The following MBD5 variants were observed in gnomAD, a reference collection of about 807,000 sequenced individuals.
MBD5 encodes methyl-CpG-binding domain protein 5.
A neutral mutation model predicts 117.3 loss-of-function variants in MBD5; 13 were observed. The ratio of observed to expected loss-of-function variants is 0.11; its 90% CI spans 0.07 to 0.18. The LOEUF is 0.18. MBD5 is among the 10% of genes least tolerant of loss of function. The pLI, the probability that MBD5 is intolerant of heterozygous loss-of-function variation, is 1.00. For synonymous variants in MBD5, 727 were observed against 766.4 expected, an observed-to-expected ratio of 0.95 and a Z score of 0.85; for missense variants, 1,879 against 2,093.8, an observed-to-expected ratio of 0.90 and a Z score of 2.00.
chr2:148,064,080 T>C (rs115539846), intron 1 of MBD5, among the ~76,000 whole-genome samples: 57 of 151,828 alleles, frequency 3.8e-4, no homozygotes, highest in African/African-American at 1.3e-3. Flanking sequence ...CTTTCATATA[T>C]AGGGTGAATC....
chr2:148,311,780 C>G (rs1702037815), intron 3 of MBD5, among the ~76,000 whole-genome samples: 1 of 152,180 alleles, frequency 6.6e-6, no homozygotes, highest in Non-Finnish European at 1.5e-5. Flanking sequence ...TTTGCAGTGG[C>G]TGATACCGGT....
rs1457478473 is a variant in MBD5, at chr2:148,308,483, G to A, written c.-679-33731G>A. On this transcript the variant is annotated intron_variant, in intron 3 of 13. Coordinates refer to ENST00000642680, the MANE Select transcript of MBD5 (RefSeq NM_001378120.1). ...ATATACTTCTCCCACTTTTTGATGG[G>A]GTTCTTTCTTTTTTTTTTTTTTTTT... 3.2e-5 allele frequency among the ~76,000 whole-genome samples: 4 copies of A among 126,514 alleles called. No homozygotes were observed. The South Asian group carries it at 8.1e-4, about 25-fold the overall frequency. 83.0% of individuals were successfully genotyped at this position (126,514 alleles called of 152,430 possible).
chr2:148,294,508 T>TG (rs1701596236), intron 3 of MBD5, among the ~76,000 whole-genome samples: 1 of 137,474 alleles, frequency 7.3e-6, no homozygotes, highest in Non-Finnish European at 1.6e-5. Flanking sequence ...ACAGTTTTTT[T>TG]TTTTTTTTTT....
chr2:148,052,508 C>G (rs1223491365), intron 1 of MBD5, among the ~76,000 whole-genome samples: 1 of 152,110 alleles, frequency 6.6e-6, no homozygotes, highest in Admixed American at 6.5e-5. Context: ...CCATGCCCAG[C>G]AGAGATCTTT....
intron 1 of MBD5, among the ~76,000 whole-genome samples, chr2:148,098,884 C>T (rs1696132956): frequency 6.6e-6 from 1 of 151,832 alleles, no homozygotes; most frequent in Non-Finnish European, 1.5e-5. Context: ...GACCCTGTCT[C>T]TACAATAAAA....
chr2:148,276,110 G>C (rs1475810014), intron 3 of MBD5, among the ~76,000 whole-genome samples: 1 of 152,074 alleles, frequency 6.6e-6, no homozygotes, highest in Non-Finnish European at 1.5e-5. Flanking sequence ...CCAGGAGTTT[G>C]AGACTAGCCT....
intron 3 of MBD5, among the ~76,000 whole-genome samples, chr2:148,324,107 A>C (rs535303332): frequency 1.4e-4 from 22 of 151,988 alleles, no homozygotes; most frequent in Admixed American, 3.9e-4. Context: ...GGAATCCTTT[A>C]CCCTTTGCTT....
chr2:148,448,061 C>T lies in MBD5; in HGVS notation c.-556-10142C>T, dbSNP rs1163072800. ...GTGGCTGCTACATTTTCTCTGCCAT[C>T]CTCATCATTCCAATGAGCAGTCAGT... On this transcript the variant is annotated intron_variant, in intron 4 of 13. Transcript: ENST00000642680. 3.9e-5 allele frequency among the ~76,000 whole-genome samples: 6 copies of T among 152,086 alleles called. No individual in the cohort carries two copies. In the East Asian group the frequency reaches 7.7e-4, roughly 20 times the overall value.
intron 3 of MBD5, among the ~76,000 whole-genome samples, chr2:148,324,471 A>C (rs1702387394): frequency 6.6e-6 from 1 of 152,230 alleles, no homozygotes; most frequent in Non-Finnish European, 1.5e-5. Flanking sequence ...ACCCATGAGC[A>C]TGGAATGTTC....
chr2:148,055,736 A>G (rs374123470), intron 1 of MBD5: 3 of 152,018 alleles, frequency 2.0e-5, no homozygotes, highest in East Asian at 1.9e-4. Flanking sequence ...TTGGCCGTTT[A>G]TTGAATAGGT....
intron 1 of MBD5, among the ~76,000 whole-genome samples, chr2:148,148,603 C>A (rs895322339): frequency 2.0e-5 from 3 of 152,162 alleles, no homozygotes; most frequent in African/African-American, 7.2e-5. Context: ...TATTAATATT[C>A]TCCCTAGTCC....
intron 1 of MBD5, chr2:148,027,553 C>G (rs1403110271): frequency 6.6e-6 from 1 of 152,004 alleles, no homozygotes; most frequent in Non-Finnish European, 1.5e-5. Flanking sequence ...AAATCTGAAA[C>G]TTTTTGAGCA....
chr2:148,172,033 G>A (rs901338544), intron 1 of MBD5, among the ~76,000 whole-genome samples: 1 of 152,230 alleles, frequency 6.6e-6, no homozygotes, highest in Non-Finnish European at 1.5e-5. Flanking sequence ...AGTTAGCCAG[G>A]TGCAGTGGCA....
chr2:148,228,189 T>A (rs992783424), intron 2 of MBD5, among the ~76,000 whole-genome samples: 5 of 152,236 alleles, frequency 3.3e-5, no homozygotes, highest in East Asian at 1.9e-4. Context: ...GTCTTGTGCC[T>A]GTTTTCAAAG....
At chr2:148,152,110 G>C (rs1026430327) in intron 1 of MBD5, among the ~76,000 whole-genome samples, 6 of 151,794 alleles carry the variant, frequency 4.0e-5, no homozygotes, top group Admixed American at 6.6e-5. Flanking sequence ...ACACTGCTTT[G>C]AATGCATCCC....
intron 1 of MBD5, among the ~76,000 whole-genome samples, chr2:148,176,304 GTTT>G (rs34981118): frequency 6.0e-4 from 59 of 98,920 alleles, no homozygotes; most frequent in African/African-American, 1.6e-3. Context: ...TTAGAGTTTT[GTTT>G]TTTTTTTTTT....
chr2:148,423,785 T>C (rs1479482238), intron 4 of MBD5, among the ~76,000 whole-genome samples: 1 of 152,088 alleles, frequency 6.6e-6, no homozygotes, highest in African/African-American at 2.4e-5. Flanking sequence ...GACCCATGGG[T>C]ATGCTGTATT....
At chr2:148,346,688 A>T (rs1703131409) in intron 4 of MBD5, 1 of 151,850 alleles carries the variant, frequency 6.6e-6, no homozygotes, top group Non-Finnish European at 1.5e-5. Flanking sequence ...TTTTATGTAG[A>T]CTGATAAGAA....
intron 11 of MBD5, among the ~76,000 whole-genome samples, chr2:148,500,742 A>C (rs1681846901): frequency 6.6e-6 from 1 of 152,210 alleles, no homozygotes; most frequent in Non-Finnish European, 1.5e-5. Context: ...TATGTTATAT[A>C]GCACAGCTCC....
Sources: gnomAD v4.1 joint callset for allele counts (sites outside exome capture counted in the v4.1 genomes callset) on GRCh38, gnomAD v4.1.1 for gene constraint, MANE v1.5 for transcripts, NCBI Gene and HGNC (gene_info 2026-07-23, HGNC 2026-07-21) for gene names.